VASN: variants seen among roughly 807,000 people sequenced by gnomAD.
The protein encoded by VASN is protein slit-like 2.
A neutral mutation model predicts 4.8 loss-of-function variants in VASN; 5 were observed. The ratio of observed to expected loss-of-function variants is 1.03; its 90% confidence interval spans 0.54 to 2.17. The LOEUF (loss-of-function observed/expected upper bound fraction) is 2.17, where lower values mean the gene tolerates loss of function less well. Among genes scored for constraint, VASN ranks in the 30% most tolerant of loss-of-function variants. The probability of loss-of-function intolerance (pLI) is 0.01; values close to 1 mark genes in which losing one functional copy is unlikely to be tolerated. For missense variants in VASN, 927 were observed against 948.8 expected, an observed-to-expected ratio of 0.98 and a Z score of 0.30; for synonymous variants, 499 against 460.8, an observed-to-expected ratio of 1.08 and a Z score of -1.06.
At chr16:4,372,994 C>T (rs1447094401) in intron 1 of VASN, among the ~76,000 whole-genome samples, 1 of 152,164 alleles carries the variant, frequency 6.6e-6, no homozygotes, top group African/African-American at 2.4e-5. Context: ...GGTCCCTTCA[C>T]ACTAGACTGT....
chr16:4,383,334 CA>C lies in VASN; in HGVS notation c.*439del, dbSNP rs1023933310. 4.2e-5 allele frequency: 8 copies of C among 192,764 alleles called. No homozygotes were observed. Among genetic ancestry groups the C allele is most frequent in the South Asian group, 2.0e-4 (1 of 5,074 alleles). The allele number at this position is 192,764 out of a possible 1,614,324, so 11.9% of individuals were successfully genotyped here. On this transcript the variant is annotated 3_prime_UTR_variant, in exon 2 of 2. Coordinates refer to ENST00000304735, the MANE Select transcript of VASN (RefSeq NM_138440.3). ...GTCTTGGCCCCAGGAAGCGAAGGAA[CA>C]AAAGAAACTGGAAAGGAAGATGCTT...
chr16:4,376,128 ACTCGAGGCCCAGCC>A (rs764580683), intron 1 of VASN, among the ~76,000 whole-genome samples: 9 of 152,058 alleles, frequency 5.9e-5, no homozygotes, highest in Non-Finnish European at 1.3e-4. Flanking sequence ...TCCCTGAGGA[ACTCGAGGCCCAGCC>A]CTCTCTGCCC....
At position 4,382,337 on chromosome 16, in the gene VASN, G is replaced by C. The variant is rs2055013745; in HGVS notation, c.1460G>C (p.Ser487Thr). The change falls in exon 2 of 2, where the codon AGC (serine) becomes ACC (threonine). Residue 487 changes from serine (S) to threonine (T), a missense_variant. Physicochemically the swap from Ser to Thr is moderately conservative, Grantham distance 58 (BLOSUM62 1). Transcript: ENST00000304735. ...RVGLQRYLQG[S>T]SVQLRSLRLT... ...GGGCTGCAGCGCTACCTCCAGGGGA[G>C]CTCCGTGCAGCTCAGGAGCCTCCGT... The C allele has an allele frequency of 1.2e-6, 2 of 1,611,286 alleles. No homozygotes were observed.
chr16:4,379,326 G>A (rs961224623), intron 1 of VASN, among the ~76,000 whole-genome samples: 4 of 152,062 alleles, frequency 2.6e-5, no homozygotes, highest in African/African-American at 4.8e-5. Flanking sequence ...AAAGTGGGGA[G>A]GGCTCTTCCT....
Position 4,381,486 on chromosome 16 carries a change from G to A in VASN, c.609G>A (p.Gly203=). ...AGGCGCTGCGGCTGGCTGGTCTGGG[G>A]CTGCAGCAGCTGGACGAGGGGCTCT... ...NVEALRLAGL[G]LQQLDEGLFS... is the part of the protein sequence containing the mutation. Residue 203 remains glycine, a synonymous_variant, in exon 2 of 2, where the codon GGG becomes GGA. Transcript: ENST00000304735. The A allele has an allele frequency of 6.3e-7, 1 of 1,586,258 alleles. No homozygotes were observed. Among genetic ancestry groups the A allele is most frequent in the East Asian group, 2.3e-5 (1 of 42,908 alleles).
Position 4,382,774 on chromosome 16 carries a change from C to G in VASN, c.1897C>G (p.Pro633Ala). Residue 633 changes from proline to alanine, a missense_variant, in exon 2 of 2, where the codon CCA becomes GCA. Physicochemically the swap from Pro to Ala is conservative, Grantham distance 27 (BLOSUM62 -1). Coordinates refer to ENST00000304735, the MANE Select transcript of VASN (RefSeq NM_138440.3). ...ELEGVKVPLE[P>A]GPKATEGGGE... Reference sequence around the variant, plus strand: ...GGAGGGAGTGAAGGTCCCCTTGGAGCCAGGCCCGAAGGCAACAGAGGGCGG... The same window carrying G: ...GGAGGGAGTGAAGGTCCCCTTGGAGGCAGGCCCGAAGGCAACAGAGGGCGG... 1 of 1,571,530 alleles carries G rather than the reference C, an allele frequency of 6.4e-7. No individual in the cohort carries two copies. The highest frequency in any genetic ancestry group is 8.6e-7 in the Non-Finnish European group (1 of 1,159,184).
chr16:4,377,081 G>A (rs923791138), intron 1 of VASN, among the ~76,000 whole-genome samples: 20 of 152,276 alleles, frequency 1.3e-4, no homozygotes, highest in African/African-American at 4.1e-4. Context: ...GGTAGGGGTC[G>A]TGGCCGGGCT....
intron 1 of VASN, among the ~76,000 whole-genome samples, chr16:4,378,994 C>G (rs2054855691): frequency 6.6e-6 from 1 of 152,040 alleles, no homozygotes; most frequent in South Asian, 2.1e-4. Flanking sequence ...TCCTTCACCT[C>G]GAGCTACCCG....
In VASN at chr16:4,381,043, G is replaced by C; in HGVS notation, c.166G>C (p.Gly56Arg). ...VPRDVPPDTV[G>R]LYVFENGITM... The stretch of plus-strand genomic sequence containing the variant: ...CCGAGACGTGCCACCCGACACGGTG[G>C]GGCTGTACGTCTTTGAGAACGGCAT... The change falls in exon 2 of 2, where the codon GGG becomes CGG. Residue 56 changes from glycine to arginine, a missense_variant. Coordinates refer to ENST00000304735, the MANE Select transcript of VASN (RefSeq NM_138440.3). 1 of 1,610,696 alleles carries C rather than the reference G, an allele frequency of 6.2e-7. No individual in the cohort carries two copies. Among genetic ancestry groups the C allele is most frequent in the Non-Finnish European group, 8.5e-7 (1 of 1,179,172 alleles).
chr16:4,374,786 A>G (rs1369943653), intron 1 of VASN, among the ~76,000 whole-genome samples: 1 of 151,962 alleles, frequency 6.6e-6, no homozygotes, highest in East Asian at 1.9e-4. Context: ...GGAGCTTGAG[A>G]AGGGCAAGAC....
At position 4,381,580 on chromosome 16, in the gene VASN, ATCCGAGGCC is replaced by A; in HGVS notation, c.708_716del (p.Arg239_Leu241del). On this transcript the variant is annotated inframe_deletion, in exon 2 of 2. Coordinates refer to ENST00000304735, the MANE Select transcript of VASN (RefSeq NM_138440.3). ...CCAGCTGGAGCGAGTGCCACCTGTG[ATCCGAGGCC>A]TCCGGGGCCTGACGCGCCTGCGGCT... The A allele has an allele frequency of 6.2e-7, 1 of 1,604,652 alleles. No homozygotes were observed. Among genetic ancestry groups the A allele is most frequent in the Non-Finnish European group, 8.5e-7 (1 of 1,176,264 alleles).
chr16:4,382,986 A>C lies in VASN; in HGVS notation c.*87A>C. On this transcript the variant is annotated 3_prime_UTR_variant, in exon 2 of 2. Coordinates refer to ENST00000304735, the MANE Select transcript of VASN (RefSeq NM_138440.3). ...CTGCTGCCACACCACGTAAGTTCTC[A>C]GTCCCAACCTCGGGGATGTGTGCAG... The C allele has an allele frequency of 7.3e-7, 1 of 1,365,132 alleles. No individual in the cohort carries two copies. The highest frequency in any genetic ancestry group is 2.6e-5 in the East Asian group (1 of 38,352). 84.6% of individuals were successfully genotyped at this position (1,365,132 alleles called of 1,614,324 possible).
Position 4,381,202 on chromosome 16 carries a change from G to T in VASN, c.325G>T (p.Ala109Ser). 1 of 1,611,978 alleles carries T rather than the reference G, an allele frequency of 6.2e-7. No individual in the cohort carries two copies. The highest frequency in any genetic ancestry group is 8.5e-7 in the Non-Finnish European group (1 of 1,179,490). Reference sequence around the variant, plus strand: ...CAACCTCAGCAACCTGGACCTGACAGCCAACAGGCTGCATGAAATCACCAA... The same window carrying T: ...CAACCTCAGCAACCTGGACCTGACATCCAACAGGCTGCATGAAATCACCAA... ...LANLSNLDLT[A>S]NRLHEITNET... Residue 109 changes from alanine (A) to serine (S), a missense_variant, in exon 2 of 2, where the codon GCC (alanine) becomes TCC (serine). Ala to Ser is a moderately conservative substitution (Grantham distance 99). Coordinates refer to ENST00000304735, the MANE Select transcript of VASN (RefSeq NM_138440.3).
intron 1 of VASN, among the ~76,000 whole-genome samples, chr16:4,377,287 A>G (rs1334068215): frequency 6.8e-6 from 1 of 148,022 alleles, no homozygotes; most frequent in East Asian, 2.1e-4. Context: ...GGCAGAGGAA[A>G]AGGTCTCACC....
intron 1 of VASN, among the ~76,000 whole-genome samples, chr16:4,373,882 TCCCTGACCACTGGCCAG>T (rs1454925792): frequency 1.3e-5 from 2 of 151,956 alleles, no homozygotes; most frequent in Non-Finnish European, 1.5e-5. Context: ...GGGATGGCTA[TCCCTGACCACTGGCCAG>T]CCCTGAGCTC....
Position 4,383,171 on chromosome 16 carries a change from ACGG to A in VASN, c.*276_*278del. 1 of 418,520 alleles carries A rather than the reference ACGG, an allele frequency of 2.4e-6. No homozygotes were observed. The highest frequency in any genetic ancestry group is 4.4e-6 in the Non-Finnish European group (1 of 229,630). 25.9% of individuals were successfully genotyped at this position (418,520 alleles called of 1,614,324 possible). On this transcript the variant is annotated 3_prime_UTR_variant, in exon 2 of 2. Coordinates refer to ENST00000304735, the MANE Select transcript of VASN (RefSeq NM_138440.3). ...CCTCCGCAACGTGCAGTCCCTGGGC[ACGG>A]CGGGCCCTGCCATGTGCTGGTAACG...
intron 1 of VASN, among the ~76,000 whole-genome samples, chr16:4,380,052 C>A (rs1346428020): frequency 6.8e-6 from 1 of 146,758 alleles, no homozygotes; most frequent in African/African-American, 2.5e-5. Flanking sequence ...AGCAAGACTC[C>A]GTCTCAAAAA....
chr16:4,376,298 C>T (rs1455791600), intron 1 of VASN, among the ~76,000 whole-genome samples: 2 of 152,218 alleles, frequency 1.3e-5, no homozygotes, highest in Admixed American at 6.5e-5. Flanking sequence ...TCCTGGCCGC[C>T]GGCACAGTCC....
At chr16:4,372,510 G>T (rs1596293077) in intron 1 of VASN, among the ~76,000 whole-genome samples, 1 of 152,304 alleles carries the variant, frequency 6.6e-6, no homozygotes, top group Non-Finnish European at 1.5e-5. Context: ...GTGGGCGTCC[G>T]ATGCCCATCC....
Sources: allele counts gnomAD v4.1 joint callset (sites outside exome capture counted in the v4.1 genomes callset), GRCh38; gene constraint gnomAD v4.1.1; transcripts MANE v1.5; gene names NCBI Gene and HGNC (gene_info 2026-07-23, HGNC 2026-07-21).